Variants in FILIP1L observed in about 807,000 individuals in gnomAD.
The protein encoded by FILIP1L is filamin A interacting protein 1 like, also known as filamin A-interacting protein 1-like.
In FILIP1L, 55 loss-of-function variants were observed where a neutral mutation model predicts 96.6. The observed-to-expected ratio is 0.57, with a 90% CI of 0.46 to 0.71. FILIP1L has a LOEUF of 0.71. Among genes scored for constraint, FILIP1L ranks in the 30% least tolerant of loss-of-function variants. The pLI is 0.00. For synonymous variants in FILIP1L, 467 were observed against 473.9 expected, an observed-to-expected ratio of 0.99 and a Z score of 0.19; for missense variants, 1,304 against 1,321.2, an observed-to-expected ratio of 0.99 and a Z score of 0.20.
chr3:100,106,445 C>T (rs2066396643), intron 1 of FILIP1L, among the ~76,000 whole-genome samples: 1 of 152,110 alleles, frequency 6.6e-6, no homozygotes, highest in Admixed American at 6.6e-5. Context: ...ACAAGAAGGA[C>T]TCCAGCAGAA....
intron 4 of FILIP1L, among the ~76,000 whole-genome samples, chr3:99,858,612 T>C (rs542112409): frequency 6.6e-6 from 1 of 152,392 alleles, no homozygotes; most frequent in East Asian, 1.9e-4. Context: ...CTGCAACTAA[T>C]GTCTGGCTTA....
rs757556494 is a variant in FILIP1L, at chr3:99,848,736, G to A, written c.2940C>T (p.Thr980=). ...ACTCTGGGGTCTGTGCTCTGGCAAA[G>A]GTTGCCATGGTAATTGGGGACATGC... ...EQGMSPITMA[T]FARAQTPESC... Residue 980 remains threonine (T), a synonymous_variant, in exon 5 of 6, where the codon ACC becomes ACT. Coordinates refer to ENST00000477258, the MANE Select transcript of FILIP1L (RefSeq NM_001387850.1). 16 of 1,614,046 alleles carry A rather than the reference G, an allele frequency of 9.9e-6. No homozygotes were observed. Among genetic ancestry groups the A allele is most frequent in the Non-Finnish European group, 1.3e-5 (15 of 1,180,002 alleles).
At chr3:100,107,314 A>G (rs146584024) in intron 1 of FILIP1L, among the ~76,000 whole-genome samples, 57 of 152,288 alleles carry the variant, frequency 3.7e-4, no homozygotes, top group Non-Finnish European at 6.2e-4. Flanking sequence ...TTATGATGCC[A>G]TCTGGGAAAA....
intron 1 of FILIP1L, among the ~76,000 whole-genome samples, chr3:100,065,996 A>G (rs1185195258): frequency 1.3e-5 from 2 of 152,210 alleles, no homozygotes; most frequent in Admixed American, 6.5e-5. Flanking sequence ...CGACCCAGCA[A>G]TATGTACTTT....
intron 1 of FILIP1L, among the ~76,000 whole-genome samples, chr3:100,000,575 C>T (rs1559720570): frequency 1.3e-5 from 2 of 152,126 alleles, no homozygotes; most frequent in African/African-American, 2.4e-5. Flanking sequence ...TCTGACCAGG[C>T]GCAGTAGCTT....
rs187332823 is a variant in FILIP1L at position 99,983,327 on chromosome 3, A to G, written c.-10-52297T>C. Reference sequence around the variant, plus strand: ...GGCAGGCGGATCACCTGAGGTCAGGAGTTCAAGACCAGCCTGGCCAACATG... The same window carrying G: ...GGCAGGCGGATCACCTGAGGTCAGGGGTTCAAGACCAGCCTGGCCAACATG... On this transcript the variant is annotated intron_variant, in intron 1 of 5. Coordinates refer to ENST00000477258, the MANE Select transcript of FILIP1L (RefSeq NM_001387850.1). 1.2e-4 allele frequency among the ~76,000 whole-genome samples: 18 copies of G among 148,522 alleles called. No homozygotes were observed. The East Asian group carries it at 3.5e-3, about 29-fold the overall frequency.
chr3:99,925,247 A>G (rs931175240), intron 3 of FILIP1L, among the ~76,000 whole-genome samples: 3 of 152,154 alleles, frequency 2.0e-5, no homozygotes, highest in African/African-American at 7.2e-5. Flanking sequence ...TATAGTGTGA[A>G]TGTCACCAAA....
intron 1 of FILIP1L, among the ~76,000 whole-genome samples, chr3:100,085,141 G>C (rs1255480345): frequency 1.3e-5 from 2 of 151,980 alleles, no homozygotes; most frequent in Non-Finnish European, 2.9e-5. Context: ...AAACAGTCCT[G>C]ATCAGTTGAA....
intron 1 of FILIP1L, among the ~76,000 whole-genome samples, chr3:99,963,165 T>G (rs1184378827): frequency 6.6e-6 from 1 of 152,198 alleles, no homozygotes; most frequent in East Asian, 1.9e-4. Flanking sequence ...ATGCTCTTAC[T>G]CTTAGGGAAA....
chr3:100,044,838 A>G lies in FILIP1L; in HGVS notation c.-11+69215T>C, dbSNP rs558089681. Among the ~76,000 whole-genome samples, 66 of 152,332 alleles carry G rather than the reference A, an allele frequency of 4.3e-4. 1 individual carries two copies. The Middle Eastern group carries it at 0.01, about 24-fold the overall frequency. Reference sequence around the variant, plus strand: ...ATGGTGGCAGTCAATGGAGTGGTTAATGGCTCCAAAACAGATTTAGGAGGT... The same window carrying G: ...ATGGTGGCAGTCAATGGAGTGGTTAGTGGCTCCAAAACAGATTTAGGAGGT... On this transcript the variant is annotated intron_variant, in intron 1 of 5. Coordinates refer to ENST00000477258, the MANE Select transcript of FILIP1L (RefSeq NM_001387850.1).
At chr3:100,068,038 C>T (rs1164406668) in intron 1 of FILIP1L, among the ~76,000 whole-genome samples, 1 of 152,088 alleles carries the variant, frequency 6.6e-6, no homozygotes. Flanking sequence ...GTCAAGCCAA[C>T]CTGGATCCAC....
intron 1 of FILIP1L, among the ~76,000 whole-genome samples, chr3:100,081,249 C>G (rs1197923020): frequency 6.6e-6 from 1 of 152,126 alleles, no homozygotes; most frequent in African/African-American, 2.4e-5. Context: ...GATAAATCAT[C>G]TTTTATCTCT....
chr3:99,842,893 G>A (rs1310704911), intron 5 of FILIP1L, among the ~76,000 whole-genome samples: 1 of 152,126 alleles, frequency 6.6e-6, no homozygotes, highest in Non-Finnish European at 1.5e-5. Context: ...CAGTTAACTC[G>A]CTAGACTCCC....
intron 1 of FILIP1L, among the ~76,000 whole-genome samples, chr3:100,017,075 G>C (rs1559726680): frequency 6.6e-6 from 1 of 152,106 alleles, no homozygotes; most frequent in Non-Finnish European, 1.5e-5. Context: ...TCTTCATAAA[G>C]ACTTCTATAG....
chr3:99,967,888 AAGG>A (rs1708699792), intron 1 of FILIP1L, among the ~76,000 whole-genome samples: 1 of 152,222 alleles, frequency 6.6e-6, no homozygotes, highest in South Asian at 2.1e-4. Flanking sequence ...TGGTATTAGC[AAGG>A]AGAAGGAGTA....
At chr3:100,110,254 G>A (rs143471633) in intron 1 of FILIP1L, among the ~76,000 whole-genome samples, 63 of 152,230 alleles carry the variant, frequency 4.1e-4, no homozygotes, top group African/African-American at 1.5e-3. Context: ...GCTTCATTTA[G>A]AGATGTTAGG....
chr3:100,006,939 G>A (rs1248333469), intron 1 of FILIP1L, among the ~76,000 whole-genome samples: 2 of 152,188 alleles, frequency 1.3e-5, no homozygotes, highest in African/African-American at 4.8e-5. Flanking sequence ...GTTTTAAAAA[G>A]TGTTTTTGTT....
intron 1 of FILIP1L, among the ~76,000 whole-genome samples, chr3:100,043,520 G>C (rs755418806): frequency 2.8e-4 from 43 of 152,196 alleles, no homozygotes; most frequent in Non-Finnish European, 5.9e-4. Flanking sequence ...TTTGCTGTGG[G>C]AGACAGGCTC....
Position 100,114,166 on chromosome 3 carries a change from G to A in FILIP1L, c.-124C>T, listed in dbSNP as rs977401701. 3.3e-5 allele frequency: 5 copies of A among 151,866 alleles called. No homozygotes were observed. Among genetic ancestry groups the A allele is most frequent in the African/African-American group, 1.2e-4 (5 of 41,274 alleles). 9.4% of individuals were successfully genotyped at this position (151,866 alleles called of 1,614,324 possible). ...AACAACGTTTTCTTCTTCTCTTTTT[G>A]GACACCCTCTCAGTTTTTGTTTTGT... is the stretch of plus-strand genomic sequence containing the variant. On this transcript the variant is annotated 5_prime_UTR_variant, in exon 1 of 6. Coordinates refer to ENST00000477258, the MANE Select transcript of FILIP1L (RefSeq NM_001387850.1).
Sources: gnomAD v4.1 joint callset for allele counts (sites outside exome capture counted in the v4.1 genomes callset) on GRCh38, gnomAD v4.1.1 for gene constraint, MANE v1.5 for transcripts, NCBI Gene and HGNC (gene_info 2026-07-23, HGNC 2026-07-21) for gene names.